TUT4: variants seen among roughly 807,000 people sequenced by gnomAD.
TUT4 encodes terminal uridylyltransferase 4.
TUT4 carries 36 observed loss-of-function variants against 192.2 expected under a neutral mutation model. That is an observed-to-expected ratio of 0.19 (90% CI 0.14 to 0.25). The LOEUF (loss-of-function observed/expected upper bound fraction) is 0.25. TUT4 is among the 10% of genes least tolerant of loss of function. The pLI, the probability that TUT4 is intolerant of heterozygous loss-of-function variation, is 1.00. For synonymous variants in TUT4, 618 were observed against 666.0 expected, an observed-to-expected ratio of 0.93 and a Z score of 1.11; for missense variants, 1,493 against 1,957.2, an observed-to-expected ratio of 0.76 and a Z score of 4.47.
chr1:52,490,934 T>A, intron 7 of TUT4, 133 bp from the exon 8 acceptor site: 1 of 751,784 alleles, frequency 1.3e-6, no homozygotes, highest in Non-Finnish European at 2.1e-6. Context: ...CTTCTCATTA[T>A]GAGCACCAAC....
chr1:52,502,962 C>T (rs1377160182), intron 4 of TUT4, among the ~76,000 whole-genome samples: 1 of 152,098 alleles, frequency 6.6e-6, no homozygotes, highest in Non-Finnish European at 1.5e-5. Flanking sequence ...CTAACAGCAA[C>T]AACTATCATT....
At chr1:52,424,191 AAAG>A in intron 29 of TUT4, 189 bp from the exon 30 acceptor site, 1 of 592,528 alleles carries the variant, frequency 1.7e-6, no homozygotes. Context: ...GTATGTGAAA[AAAG>A]GAGAGGACAC....
rs1648824642 is a variant in TUT4 at position 52,423,798 on chromosome 1, C to T, written c.*137G>A. ...ACGTGTTAAAATTTTAAATCAGGAC[C>T]TGATTTGTTTTGCTTTCCATTAAAT... On this transcript the variant is annotated 3_prime_UTR_variant, in exon 30 of 30. Coordinates refer to ENST00000257177, the MANE Select transcript of TUT4 (RefSeq NM_001009881.3). 2 of 1,541,420 alleles carry T rather than the reference C, an allele frequency of 1.3e-6. No individual in the cohort carries two copies. The highest frequency in any genetic ancestry group is 2.5e-5 in the East Asian group (1 of 40,664).
intron 16 of TUT4, chr1:52,462,175 C>CTT (rs1210058850): frequency 0.071 from 8,553 of 121,066 alleles, 489 homozygotes; most frequent in African/African-American, 0.12. Flanking sequence ...GGATTCAAAT[C>CTT]TTTTTTTTTT....
intron 24 of TUT4, among the ~76,000 whole-genome samples, chr1:52,443,002 G>A (rs987832737): frequency 5.9e-5 from 9 of 152,160 alleles, no homozygotes; most frequent in South Asian, 4.1e-4. Context: ...AAAAAGTCTC[G>A]GAAAGGCACA....
At chr1:52,496,219 A>G (rs1413150584) in intron 5 of TUT4, among the ~76,000 whole-genome samples, 1 of 152,164 alleles carries the variant, frequency 6.6e-6, no homozygotes, top group Non-Finnish European at 1.5e-5. Flanking sequence ...TCTACTTTTC[A>G]AGTTCATAAA....
At chr1:52,451,504 T>C (rs1659410697) in intron 20 of TUT4, among the ~76,000 whole-genome samples, 1 of 152,114 alleles carries the variant, frequency 6.6e-6, no homozygotes, top group Non-Finnish European at 1.5e-5. Context: ...CACTATGAAC[T>C]ACAATTTTGA....
intron 1 of TUT4, among the ~76,000 whole-genome samples, chr1:52,543,584 A>G (rs1248200916): frequency 4.6e-5 from 7 of 151,416 alleles, no homozygotes; most frequent in Non-Finnish European, 1.0e-4. Context: ...CCCGGGTTCA[A>G]GCGATTCTCC....
At position 52,497,087 on chromosome 1, in the gene TUT4, G is replaced by A. The variant is rs1174278631; in HGVS notation, c.1096C>T (p.His366Tyr). 1 of 1,613,824 alleles carries A rather than the reference G, an allele frequency of 6.2e-7. No homozygotes were observed. The highest frequency in any genetic ancestry group is 1.7e-5 in the Admixed American group (1 of 59,962). ...CTGAGGTCATCATCTGTTATTCCAT[G>A]TTCTTTTGCTAATTCAATGACTGCA... Reference protein sequence around the residue: ...SVAVIELAKEHGITDDDLRVR... With the variant: ...SVAVIELAKEYGITDDDLRVR... The change falls in exon 5 of 30, where the codon CAT (histidine) becomes TAT (tyrosine). Residue 366 changes from histidine (H) to tyrosine (Y), a missense_variant. Coordinates refer to ENST00000257177, the MANE Select transcript of TUT4 (RefSeq NM_001009881.3).
intron 12 of TUT4, among the ~76,000 whole-genome samples, chr1:52,476,372 T>C (rs1377091615): frequency 1.3e-5 from 2 of 152,154 alleles, no homozygotes; most frequent in African/African-American, 4.8e-5. Flanking sequence ...ATAACTACCC[T>C]GTAAAGTCTT....
intron 15 of TUT4, among the ~76,000 whole-genome samples, chr1:52,466,682 A>ATATATTTT (rs372853314): frequency 4.8e-4 from 60 of 123,820 alleles, no homozygotes; most frequent in Admixed American, 1.7e-3. Context: ...ATATATATAT[A>ATATATTTT]TTTTTGAGAC....
chr1:52,550,638 G>A (rs540966662), intron 1 of TUT4, among the ~76,000 whole-genome samples: 2 of 151,626 alleles, frequency 1.3e-5, no homozygotes, highest in South Asian at 2.1e-4. Flanking sequence ...GACTACAGAC[G>A]CACACCACCA....
Position 52,448,057 on chromosome 1 carries a change from G to C in TUT4, c.3436-1390C>G, listed in dbSNP as rs371588877. 2.0e-5 allele frequency among the ~76,000 whole-genome samples: 3 copies of C among 152,124 alleles called. No homozygotes were observed. In the East Asian group the frequency reaches 5.8e-4, roughly 29 times the overall value. ...TTATCCTCAGATTTAAGTTCTTTGT[G>C]GGTAAGGACTATGGCTTATCTCTGA... On this transcript the variant is annotated intron_variant, in intron 20 of 29. Coordinates refer to ENST00000257177, the MANE Select transcript of TUT4 (RefSeq NM_001009881.3).
chr1:52,446,042 C>A (rs1423524342), intron 22 of TUT4, 38 bp from the exon 23 acceptor site: 1 of 1,561,200 alleles, frequency 6.4e-7, no homozygotes, highest in South Asian at 1.2e-5. Flanking sequence ...GAATTACATT[C>A]ACTGTACCAT....
At chr1:52,538,924 C>T (rs917198421) in intron 1 of TUT4, among the ~76,000 whole-genome samples, 8 of 152,028 alleles carry the variant, frequency 5.3e-5, no homozygotes, top group African/African-American at 1.9e-4. Flanking sequence ...CACTTTAGGG[C>T]ACCAAGACAA....
At chr1:52,424,266 C>A in intron 29 of TUT4, 1 of 445,160 alleles carries the variant, frequency 2.2e-6, no homozygotes, top group Non-Finnish European at 4.1e-6. Context: ...CAGACTCTCC[C>A]CTCCTAAAAG....
At chr1:52,492,150 G>A (rs1367058321) in intron 7 of TUT4, among the ~76,000 whole-genome samples, 1 of 151,868 alleles carries the variant, frequency 6.6e-6, no homozygotes, top group Non-Finnish European at 1.5e-5. Context: ...AAAGTTTTTC[G>A]GCAATTAGAA....
At chr1:52,449,401 CCATTCTTGTGCCT>C (rs1658650355) in intron 20 of TUT4, among the ~76,000 whole-genome samples, 1 of 152,204 alleles carries the variant, frequency 6.6e-6, no homozygotes, top group Admixed American at 6.5e-5. Flanking sequence ...CCAGTTCAAG[CCATTCTTGTGCCT>C]CAGCCTCCCA....
chr1:52,463,538 T>C (rs1409998282), intron 16 of TUT4: 1 of 1,167,986 alleles, frequency 8.6e-7, no homozygotes, highest in Non-Finnish European at 1.1e-6. Flanking sequence ...TCTTTTATAA[T>C]GTAACAGAGG....
Sources: allele counts gnomAD v4.1 joint callset (sites outside exome capture counted in the v4.1 genomes callset), GRCh38; gene constraint gnomAD v4.1.1; transcripts MANE v1.5; gene names NCBI Gene and HGNC (gene_info 2026-07-23, HGNC 2026-07-21).